GPBP1: variants seen among roughly 807,000 people sequenced by gnomAD.
GPBP1 encodes GC-rich promoter binding protein 1.
Under a neutral mutation model 56.5 loss-of-function variants are expected in GPBP1, and 13 were observed. That is an observed-to-expected ratio of 0.23 (90% CI 0.15 to 0.37). The LOEUF is 0.37. Ranked by LOEUF, GPBP1 falls within the 10% of genes least tolerant of loss-of-function variation. The probability of loss-of-function intolerance (pLI) is 1.00; values close to 1 mark genes in which losing one functional copy is unlikely to be tolerated. For missense variants in GPBP1, 477 were observed against 572.3 expected (o/e 0.83, Z 1.70); for synonymous variants, 204 against 188.9 (o/e 1.08, Z -0.66).
chr5:57,192,753 CA>C (rs70999061), intron 2 of GPBP1, among the ~76,000 whole-genome samples: 21,432 of 102,768 alleles, frequency 0.21, 1,719 homozygotes, highest in Middle Eastern at 0.31. Flanking sequence ...AACTCCGTCT[CA>C]AAAAAAAAAA....
At chr5:57,200,126 C>A (rs191358934) in intron 2 of GPBP1, among the ~76,000 whole-genome samples, 3,309 of 138,796 alleles carry the variant, frequency 0.024, 86 homozygotes, top group Middle Eastern at 0.089. Context: ...CCTCACCCGT[C>A]CCCGCCCCGC....
rs143112067 is a variant in GPBP1 at position 57,180,700 on chromosome 5, G to A, written c.-58+4300G>A. On this transcript the variant is annotated intron_variant, in intron 2 of 11. Coordinates refer to ENST00000506184, the MANE Select transcript of GPBP1 (RefSeq NM_022913.4). ...ATACTGATGGAAATATATATGGAGGGTTTTTGTAAATTGTGAAGTGTAATA... is the reference window on the plus strand; with the variant it reads ...ATACTGATGGAAATATATATGGAGGATTTTTGTAAATTGTGAAGTGTAATA... Among the ~76,000 whole-genome samples, 4 of 152,166 alleles carry A rather than the reference G, an allele frequency of 2.6e-5. No individual in the cohort carries two copies. The East Asian group carries it at 7.7e-4, about 29-fold the overall frequency.
intron 2 of GPBP1, among the ~76,000 whole-genome samples, chr5:57,203,781 G>C (rs1480746048): frequency 6.6e-6 from 1 of 152,148 alleles, no homozygotes; most frequent in Non-Finnish European, 1.5e-5. Flanking sequence ...TAATAACCTA[G>C]ATTTCTTAAA....
intron 2 of GPBP1, among the ~76,000 whole-genome samples, chr5:57,188,670 C>T (rs1579980241): frequency 6.6e-6 from 1 of 151,972 alleles, no homozygotes; most frequent in Non-Finnish European, 1.5e-5. Flanking sequence ...TTAAACACGT[C>T]AGGCAGAGGT....
intron 3 of GPBP1, among the ~76,000 whole-genome samples, chr5:57,219,535 A>G (rs1306156425): frequency 1.3e-5 from 2 of 151,852 alleles, no homozygotes; most frequent in Non-Finnish European, 2.9e-5. Flanking sequence ...ACTGAAATCA[A>G]TTCTTGTTAT....
Position 57,261,276 on chromosome 5 carries a change from T to A in GPBP1, c.1257T>A (p.Ser419Arg). Reference sequence around the variant, plus strand: ...AAATGAGAGAATTCCAAGTTATTAGTGAACAGGTAAGAAAACCTGAATCAT... The same window carrying A: ...AAATGAGAGAATTCCAAGTTATTAGAGAACAGGTAAGAAAACCTGAATCAT... Reference protein sequence around the residue: ...EDEMREFQVISEQLQKNGLRK... With the variant: ...EDEMREFQVIREQLQKNGLRK... The change falls in exon 11 of 12, where the codon AGT becomes AGA. Residue 419 changes from serine (S) to arginine (R), a missense_variant. Physicochemically the swap from Ser to Arg is moderately radical, Grantham distance 110. Around this residue, in one of 2 missense-constraint regions of GPBP1, gnomAD observed 63 missense variants for 114.0 expected, o/e 0.55. Transcript: ENST00000506184. The A allele has an allele frequency of 6.3e-7, 1 of 1,586,980 alleles. No homozygotes were observed. Among genetic ancestry groups the A allele is most frequent in the South Asian group, 1.1e-5 (1 of 90,550 alleles).
chr5:57,175,020 C>G (rs1366472149), intron 1 of GPBP1, among the ~76,000 whole-genome samples: 1 of 152,212 alleles, frequency 6.6e-6, no homozygotes, highest in Admixed American at 6.5e-5. Flanking sequence ...ACACTTATCT[C>G]TGAGTTACAT....
At chr5:57,254,540 C>T (rs1018322893) in intron 10 of GPBP1, among the ~76,000 whole-genome samples, 1 of 151,936 alleles carries the variant, frequency 6.6e-6, no homozygotes, top group East Asian at 1.9e-4. Flanking sequence ...ACTGAAAATA[C>T]AAAAATTAGC....
chr5:57,228,928 C>T (rs1756316477), intron 3 of GPBP1, among the ~76,000 whole-genome samples: 1 of 151,782 alleles, frequency 6.6e-6, no homozygotes, highest in African/African-American at 2.4e-5. Context: ...TTTTCTAACC[C>T]AGTAATGAAT....
At chr5:57,177,966 A>G (rs1753868257) in intron 2 of GPBP1, among the ~76,000 whole-genome samples, 1 of 151,886 alleles carries the variant, frequency 6.6e-6, no homozygotes, top group Non-Finnish European at 1.5e-5. Flanking sequence ...TCTGAAATTG[A>G]TATTAGAGAG....
intron 2 of GPBP1, among the ~76,000 whole-genome samples, chr5:57,180,409 T>C (rs533366789): frequency 2.6e-5 from 4 of 152,280 alleles, no homozygotes; most frequent in African/African-American, 9.6e-5. Flanking sequence ...CGTGAGCCAC[T>C]GCACCTGGTC....
intron 6 of GPBP1, among the ~76,000 whole-genome samples, chr5:57,241,121 A>C (rs1740806508): frequency 6.6e-6 from 1 of 152,218 alleles, no homozygotes; most frequent in South Asian, 2.1e-4. Context: ...ATGAATTTCT[A>C]GGTAGTGGGC....
chr5:57,237,220 A>G, intron 6 of GPBP1: 1 of 1,214,664 alleles, frequency 8.2e-7, no homozygotes, highest in East Asian at 2.5e-5. Context: ...TGATTGCATA[A>G]GAATATAGAA....
At chr5:57,185,097 A>T (rs1199102475) in intron 2 of GPBP1, among the ~76,000 whole-genome samples, 4 of 152,162 alleles carry the variant, frequency 2.6e-5, no homozygotes, top group Admixed American at 2.6e-4. Flanking sequence ...ACACTTGTGC[A>T]TAGGACTTGG....
intron 6 of GPBP1, chr5:57,245,940 G>T (rs1741067906): frequency 6.3e-6 from 1 of 159,996 alleles, no homozygotes; most frequent in Non-Finnish European, 1.4e-5. Context: ...AAATAGAAAT[G>T]TATTTTATAT....
intron 8 of GPBP1, 137 bp downstream of exon 8, chr5:57,247,352 T>G (rs1741141699): frequency 1.3e-6 from 1 of 741,492 alleles, no homozygotes; most frequent in Non-Finnish European, 2.0e-6. Flanking sequence ...TTCATTTACT[T>G]CATTTGTTAA....
chr5:57,214,732 T>C (rs1400369044), intron 3 of GPBP1, among the ~76,000 whole-genome samples: 1 of 152,198 alleles, frequency 6.6e-6, no homozygotes, highest in Non-Finnish European at 1.5e-5. Context: ...CTTGGCTTAT[T>C]GTAGCCTACA....
Position 57,176,043 on chromosome 5 carries a change from G to C in GPBP1, c.-415G>C, listed in dbSNP as rs924459809. The C allele has an allele frequency of 5.0e-6, 2 of 398,486 alleles. No individual in the cohort carries two copies. Among genetic ancestry groups the C allele is most frequent in the East Asian group, 7.1e-5 (2 of 28,046 alleles). The allele number at this position is 398,486 out of a possible 1,614,324, so 24.7% of individuals were successfully genotyped here. ...AGCTATGTGTGTCTCTGTATATGCTGATGTTTAGGAATGCTCTTCAGATGT... is the reference window on the plus strand; with the variant it reads ...AGCTATGTGTGTCTCTGTATATGCTCATGTTTAGGAATGCTCTTCAGATGT... On this transcript the variant is annotated 5_prime_UTR_variant, in exon 2 of 12. Transcript: ENST00000506184.
chr5:57,200,658 C>T (rs190319404), intron 2 of GPBP1, among the ~76,000 whole-genome samples: 10 of 151,656 alleles, frequency 6.6e-5, no homozygotes, highest in East Asian at 3.9e-4. Flanking sequence ...TCAGCCACTG[C>T]GCCTGGCCTG....
Sources: allele counts gnomAD v4.1 joint callset (sites outside exome capture counted in the v4.1 genomes callset), GRCh38; gene constraint gnomAD v4.1.1; regional missense constraint gnomAD v4.1.1; transcripts MANE v1.5; gene names NCBI Gene and HGNC (gene_info 2026-07-23, HGNC 2026-07-21).